The following KIF1A variants were observed in gnomAD, a reference collection of about 807,000 sequenced individuals.
The protein encoded by KIF1A is kinesin-like protein KIF1A.
KIF1A carries 46 observed loss-of-function variants against 227.3 expected under a neutral mutation model. The ratio of observed to expected loss-of-function variants is 0.20; its 90% CI spans 0.16 to 0.26. The LOEUF is 0.26. Ranked by LOEUF, KIF1A falls within the 10% of genes least tolerant of loss-of-function variation. KIF1A has a pLI of 1.00. For synonymous variants in KIF1A, 1,022 were observed against 1,012.8 expected (o/e 1.01, Z -0.17); for missense variants, 1,683 against 2,485.9 (o/e 0.68, Z 6.87).
chr2:240,773,277 T>A, intron 12 of KIF1A, 21 bp from the exon 13 acceptor site: 1 of 1,613,606 alleles, frequency 6.2e-7, no homozygotes, highest in South Asian at 1.1e-5. Context: ...GAGGGGGCTG[T>A]GGGCTGTGCT....
In KIF1A at chr2:240,802,377, A is replaced by T. The variant is rs561129198; in HGVS notation, c.-60-4565T>A. On this transcript the variant is annotated intron_variant, in intron 1 of 48. Transcript: ENST00000498729. ...TGTATGAATCCAATAGAAGGCAGTG[A>T]AGGAGAAAAACAGAATATGAAAACA... Among the ~76,000 whole-genome samples, 313 of 152,368 alleles carry T rather than the reference A, an allele frequency of 2.1e-3. 1 individual carries two copies. Among genetic ancestry groups the T allele is most frequent in the African/African-American group, 6.9e-3 (289 of 41,584 alleles).
At chr2:240,787,412 A>T in intron 4 of KIF1A, 96 bp from the exon 5 acceptor site, 1 of 1,065,622 alleles carries the variant, frequency 9.4e-7, no homozygotes, top group Admixed American at 1.7e-5. Context: ...GCCAGGCGGG[A>T]TCCACCCTCT....
At position 240,721,807 on chromosome 2, in the gene KIF1A, C is replaced by T. The variant is rs2045426895; in HGVS notation, c.4743G>A (p.Lys1581=). ...SHVCVSASES[K]LSEMSVTLLR... ...CCTGGTGCAGCCCCTCTGCACCCACCTTGCTCTCGCTGGCACTGACGCAGA... is the reference window on the plus strand; with the variant it reads ...CCTGGTGCAGCCCCTCTGCACCCACTTTGCTCTCGCTGGCACTGACGCAGA... The change falls in exon 44 of 49, where the codon AAG becomes AAA. Residue 1581 remains lysine, a splice_region_variant and synonymous_variant. Coordinates refer to ENST00000498729, the MANE Select transcript of KIF1A (RefSeq NM_001244008.2). The T allele has an allele frequency of 6.2e-7, 1 of 1,603,196 alleles. No individual in the cohort carries two copies. Among genetic ancestry groups the T allele is most frequent in the Non-Finnish European group, 8.5e-7 (1 of 1,178,546 alleles).
rs2053080719 is a variant in KIF1A, at chr2:240,778,511, T to TACACACACACACACTCACACACACAC, written c.883-2586_883-2585insGTGTGTGTGTGAGTGTGTGTGTGTGT. Among the ~76,000 whole-genome samples the TACACACACACACACTCACACACACAC allele has an allele frequency of 7.5e-6, 1 of 134,128 alleles. No homozygotes were observed. The highest frequency in any genetic ancestry group is 3.0e-5 in the African/African-American group (1 of 32,854). The allele number at this position is 134,128 out of a possible 152,430, so 88.0% of individuals were successfully genotyped here. On this transcript the variant is annotated intron_variant, in intron 10 of 48. Coordinates refer to ENST00000498729, the MANE Select transcript of KIF1A (RefSeq NM_001244008.2). This position sits in a 1 kb window ranked among gnomAD's most constrained non-coding sequence, Gnocchi z 7.2. Reference sequence around the variant, plus strand: ...GGCGCTCGCAGCTCCCGCACAGCGTTACACACACACACACACACACACACA... The same window carrying TACACACACACACACTCACACACACAC: ...GGCGCTCGCAGCTCCCGCACAGCGTTACACACACACACACTCACACACACACACACACACACACACACACACACACA...
chr2:240,729,568 G>A (rs750468285), intron 38 of KIF1A, among the ~76,000 whole-genome samples: 1 of 152,226 alleles, frequency 6.6e-6, no homozygotes, highest in African/African-American at 2.4e-5. Context: ...CCAGCCAGGG[G>A]CTGCTCCTTA....
At chr2:240,763,467 C>T in intron 20 of KIF1A, 121 bp from the exon 21 acceptor site, 1 of 907,934 alleles carries the variant, frequency 1.1e-6, no homozygotes, top group South Asian at 1.8e-5. Flanking sequence ...TCCCCAGCTC[C>T]CAGCCACTCC....
chr2:240,719,498 G>A (rs2045008007), intron 46 of KIF1A, among the ~76,000 whole-genome samples: 2 of 152,228 alleles, frequency 1.3e-5, no homozygotes, highest in Non-Finnish European at 1.5e-5. Context: ...CCCCACCTGG[G>A]CCTTGGCTCT....
chr2:240,782,753 C>A (rs993041517), intron 9 of KIF1A, 146 bp from the exon 10 acceptor site: 1 of 876,360 alleles, frequency 1.1e-6, no homozygotes, highest in East Asian at 2.7e-5. Context: ...GCAGCTCCCC[C>A]AGGCAGGGTC....
chr2:240,744,114 G>T, intron 32 of KIF1A, 54 bp from the exon 33 acceptor site: 2 of 1,201,802 alleles, frequency 1.7e-6, no homozygotes, highest in Non-Finnish European at 2.5e-6. Context: ...CACATTCAAG[G>T]GGGAAGGAGA....
intron 10 of KIF1A, among the ~76,000 whole-genome samples, chr2:240,780,805 C>CACACACAGCT (rs1336276869): frequency 1.0e-5 from 1 of 96,146 alleles, no homozygotes; most frequent in African/African-American, 7.1e-5. Flanking sequence ...GCTCCACACA[C>CACACACAGCT]ACACACACAC....
rs945876255 is a variant in KIF1A at position 240,790,916 on chromosome 2, G to A, written c.107-1604C>T. ...CACGAGACAGCACACTTCTGTTTGC[G>A]GTGCTTCCTTATGGCAGTTCAGGGC... On this transcript the variant is annotated intron_variant, in intron 2 of 48. Transcript: ENST00000498729. This position sits in a 1 kb window ranked among gnomAD's most constrained non-coding sequence, Gnocchi z 5.0. 5.3e-5 allele frequency among the ~76,000 whole-genome samples: 8 copies of A among 152,210 alleles called. No homozygotes were observed. The highest frequency in any genetic ancestry group is 2.1e-4 in the South Asian group (1 of 4,814).
At chr2:240,811,349 C>G (rs1030614916) in intron 1 of KIF1A, among the ~76,000 whole-genome samples, 1 of 151,908 alleles carries the variant, frequency 6.6e-6, no homozygotes, top group Non-Finnish European at 1.5e-5. Flanking sequence ...TGGGCTACAG[C>G]GTGAGACTCC....
chr2:240,751,164 C>T (rs531824625), intron 27 of KIF1A, among the ~76,000 whole-genome samples: 21 of 152,316 alleles, frequency 1.4e-4, no homozygotes, highest in African/African-American at 4.8e-4. Flanking sequence ...GCACCAAGAT[C>T]CCCCTTTCCT....
chr2:240,820,631 CCTGCCCCCGCT>C (rs1485933350), upstream of KIF1A, among the ~76,000 whole-genome samples: 2 of 151,776 alleles, frequency 1.3e-5, no homozygotes, highest in African/African-American at 2.4e-5. The surrounding 1 kb of genome is among the most constrained non-coding windows in gnomAD (Gnocchi z 6.2). Context: ...AAAACGTCCA[CCTGCCCCCGCT>C]CTGAGCCAGC....
chr2:240,764,519 A>G (rs2050908542), intron 20 of KIF1A, among the ~76,000 whole-genome samples: 1 of 151,588 alleles, frequency 6.6e-6, no homozygotes, highest in South Asian at 2.1e-4. Context: ...AGTCCCGAAG[A>G]CTCCTCCGAA....
At chr2:240,741,223 C>T (rs1194411290) in intron 35 of KIF1A, 46 bp downstream of exon 35, 4 of 1,336,016 alleles carry the variant, frequency 3.0e-6, no homozygotes, top group Admixed American at 2.0e-5. Context: ...TCCGCGCACC[C>T]CCCGACACAC....
chr2:240,798,121 G>A (rs2056604065), intron 1 of KIF1A: 1 of 212,184 alleles, frequency 4.7e-6, no homozygotes, highest in South Asian at 9.1e-5. Context: ...CCCCCAGGAA[G>A]GGTCTTCCCC....
Position 240,731,204 on chromosome 2 carries a change from G to A in KIF1A, c.4008-4264C>T, listed in dbSNP as rs75460261. Among the ~76,000 whole-genome samples the A allele has an allele frequency of 3.3e-5, 5 of 152,304 alleles. No homozygotes were observed. The East Asian group carries it at 9.6e-4, about 29-fold the overall frequency. ...GCCTGGAGGAGGGCCCACTGCAGCT[G>A]GATTTCAAAGCCCACCAAGGACTTA... On this transcript the variant is annotated intron_variant, in intron 38 of 48. Transcript: ENST00000498729.
chr2:240,773,014 G>A, intron 13 of KIF1A, 100 bp downstream of exon 13: 1 of 1,317,840 alleles, frequency 7.6e-7, no homozygotes, highest in Admixed American at 2.3e-5. Flanking sequence ...GGTGCAGCCA[G>A]CAAAGTGGTG....
Sources: allele counts gnomAD v4.1 joint callset (sites outside exome capture counted in the v4.1 genomes callset), GRCh38; gene constraint gnomAD v4.1.1; non-coding constraint Gnocchi (gnomAD v3.1); transcripts MANE v1.5; gene names NCBI Gene and HGNC (gene_info 2026-07-23, HGNC 2026-07-21).